ZUP1: variants seen among roughly 807,000 people sequenced by gnomAD.
ZUP1 encodes zinc finger containing ubiquitin peptidase 1, also known as zinc finger-containing ubiquitin peptidase 1.
A neutral mutation model predicts 68.1 loss-of-function variants in ZUP1; 55 were observed. The observed-to-expected ratio is 0.81, with a 90% CI of 0.65 to 1.01. ZUP1 has a LOEUF of 1.01. ZUP1 is among the 50% of genes least tolerant of loss of function. ZUP1 has a pLI of 0.00. For missense variants in ZUP1, 684 were observed against 674.9 expected (o/e 1.01, Z -0.15); for synonymous variants, 223 against 221.5 (o/e 1.01, Z -0.06).
Position 116,656,707 on chromosome 6 carries a change from T to C in ZUP1, c.938A>G (p.Asp313Gly). 6.2e-7 allele frequency: 1 copy of C among 1,610,598 alleles called. No individual in the cohort carries two copies. Among genetic ancestry groups the C allele is most frequent in the Non-Finnish European group, 8.5e-7 (1 of 1,179,136 alleles). ...ACCGGAAGTTTTTGTTTTTCCATCG[T>C]CAAAACCAAGAGCTAATGATTCCAT... The part of the protein sequence containing the change: ...DMMESLALGF[D>G]DGKTKTSGII... The change falls in exon 5 of 10, where the codon GAC becomes GGC. Residue 313 changes from aspartate to glycine, a missense_variant. Physicochemically the swap from Asp to Gly is moderately conservative, Grantham distance 94 (BLOSUM62 -1). Coordinates refer to ENST00000368576, the MANE Select transcript of ZUP1 (RefSeq NM_145062.3).
intron 9 of ZUP1, among the ~76,000 whole-genome samples, chr6:116,639,660 A>G (rs1164209478): frequency 1.3e-4 from 20 of 152,226 alleles, no homozygotes; most frequent in Admixed American, 1.3e-3. Flanking sequence ...ACAAACAGAA[A>G]GGACATCCAC....
intron 9 of ZUP1, 126 bp from the exon 10 acceptor site, chr6:116,636,005 G>A: frequency 7.1e-6 from 4 of 562,390 alleles, no homozygotes; most frequent in South Asian, 4.2e-5. Context: ...AATTCCTAAA[G>A]AAAAATTGCA....
At chr6:116,647,342 G>C (rs1776340872) in intron 8 of ZUP1, 117 bp downstream of exon 8, 3 of 916,604 alleles carry the variant, frequency 3.3e-6, no homozygotes, top group Non-Finnish European at 4.6e-6. Context: ...CTGAGCAACA[G>C]AGTGAGATTC....
intron 7 of ZUP1, among the ~76,000 whole-genome samples, chr6:116,650,016 C>T (rs750340186): frequency 9.9e-5 from 15 of 152,060 alleles, no homozygotes; most frequent in Non-Finnish European, 1.8e-4. Context: ...TACCCCTTAA[C>T]ATAATGGGTA....
chr6:116,637,015 A>C (rs1191074063), intron 9 of ZUP1, among the ~76,000 whole-genome samples: 2 of 150,182 alleles, frequency 1.3e-5, no homozygotes, highest in African/African-American at 2.4e-5. Flanking sequence ...GAATAACTAT[A>C]AGAAACAGAT....
At chr6:116,652,278 G>T in intron 5 of ZUP1, 86 bp from the exon 6 acceptor site, 1 of 990,428 alleles carries the variant, frequency 1.0e-6, no homozygotes, top group Non-Finnish European at 1.5e-6. Context: ...TCTCCTTCAC[G>T]CACCATACCT....
At chr6:116,653,113 T>C (rs956650428) in intron 5 of ZUP1, among the ~76,000 whole-genome samples, 5 of 152,082 alleles carry the variant, frequency 3.3e-5, no homozygotes, top group African/African-American at 1.2e-4. Flanking sequence ...TGCTATAATA[T>C]GGAAAAACAA....
intron 2 of ZUP1, among the ~76,000 whole-genome samples, chr6:116,662,322 T>C (rs1052662409): frequency 6.6e-6 from 1 of 152,304 alleles, no homozygotes; most frequent in African/African-American, 2.4e-5. Context: ...CCACCCCTTC[T>C]AGTTTTAAGT....
At chr6:116,651,807 A>G (rs768005535) in intron 6 of ZUP1, 70 bp from the exon 7 acceptor site, 1 of 1,557,888 alleles carries the variant, frequency 6.4e-7, no homozygotes, top group Non-Finnish European at 8.7e-7. Flanking sequence ...GCAGTGTATT[A>G]TGTACTCGGG....
At chr6:116,641,715 T>A (rs1776106231) in intron 9 of ZUP1, among the ~76,000 whole-genome samples, 1 of 151,826 alleles carries the variant, frequency 6.6e-6, no homozygotes, top group Admixed American at 6.6e-5. Flanking sequence ...TTTATAGCAC[T>A]AAATGCCCAC....
At position 116,666,684 on chromosome 6, in the gene ZUP1, T is replaced by G; in HGVS notation, c.509A>C (p.Glu170Ala). 1 of 1,606,114 alleles carries G rather than the reference T, an allele frequency of 6.2e-7. No individual in the cohort carries two copies. The highest frequency in any genetic ancestry group is 1.3e-5 in the African/African-American group (1 of 74,604). The change falls in exon 2 of 10, where the codon GAA becomes GCA. Residue 170 changes from glutamate (E) to alanine (A), a missense_variant. Transcript: ENST00000368576. ...GKIEEHSEDM[E>A]THVKTKHANL... ...GGCATGCTTTGTTTTCACATGAGTTTCCATATCTTCACTGTGCTCCTCTAT... is the reference window on the plus strand; with the variant it reads ...GGCATGCTTTGTTTTCACATGAGTTGCCATATCTTCACTGTGCTCCTCTAT...
In ZUP1 at chr6:116,647,463, A is replaced by C. The variant is rs1776346021; in HGVS notation, c.1464T>G (p.His488Gln). 1 of 1,560,730 alleles carries C rather than the reference A, an allele frequency of 6.4e-7. No homozygotes were observed. The highest frequency in any genetic ancestry group is 8.7e-7 in the Non-Finnish European group (1 of 1,147,348). Residue 488 changes from histidine (H) to glutamine (Q), a missense_variant, in exon 8 of 10, where the codon CAT becomes CAG. Physicochemically the swap from His to Gln is conservative, Grantham distance 24. Transcript: ENST00000368576. Reference protein sequence around the residue: ...CTSKPPIYLQHQGHSRTVIGI... With the variant: ...CTSKPPIYLQQQGHSRTVIGI... Reference sequence around the variant, plus strand: ...ATGAGTTATATTAATACTAACCTTGATGCTGAAGATAGATAGGAGGTTTAG... The same window carrying C: ...ATGAGTTATATTAATACTAACCTTGCTGCTGAAGATAGATAGGAGGTTTAG...
At chr6:116,663,121 A>G (rs908581432) in intron 2 of ZUP1, among the ~76,000 whole-genome samples, 28 of 152,172 alleles carry the variant, frequency 1.8e-4, no homozygotes, top group African/African-American at 6.0e-4. Context: ...TGAAATCTCA[A>G]TTTCAAATAT....
At chr6:116,656,942 T>C in intron 4 of ZUP1, 90 bp from the exon 5 acceptor site, 1 of 903,326 alleles carries the variant, frequency 1.1e-6, no homozygotes, top group Non-Finnish European at 1.6e-6. Flanking sequence ...TGGAAACATG[T>C]TGAAACATTC....
At chr6:116,665,549 C>T (rs1776973134) in intron 2 of ZUP1, among the ~76,000 whole-genome samples, 1 of 146,168 alleles carries the variant, frequency 6.8e-6, no homozygotes, top group Non-Finnish European at 1.5e-5. Flanking sequence ...AACTTGTATC[C>T]AAAATACAGA....
At chr6:116,651,949 C>A in intron 6 of ZUP1, 55 bp downstream of exon 6, 1 of 1,545,824 alleles carries the variant, frequency 6.5e-7, no homozygotes, top group Non-Finnish European at 8.9e-7. Flanking sequence ...CTATATCATT[C>A]TATATCATAT....
In ZUP1 at chr6:116,652,026, A is replaced by C; in HGVS notation, c.1128T>G (p.Asp376Glu). The C allele has an allele frequency of 6.2e-7, 1 of 1,613,956 alleles. No individual in the cohort carries two copies. The highest frequency in any genetic ancestry group is 8.5e-7 in the Non-Finnish European group (1 of 1,179,868). Residue 376 changes from aspartate to glutamate, a missense_variant, in exon 6 of 10, where the codon GAT becomes GAG. Coordinates refer to ENST00000368576, the MANE Select transcript of ZUP1 (RefSeq NM_145062.3). ...QMLLSSLLQN[D>E]AYNDCLKGML... ...TACCTTTTAAGCAATCGTTGTAAGC[A>C]TCATTTTGTAATAATGATGAAAGTA... is the stretch of plus-strand genomic sequence containing the variant.
intron 9 of ZUP1, among the ~76,000 whole-genome samples, chr6:116,637,822 G>T (rs943187405): frequency 1.3e-5 from 2 of 152,222 alleles, no homozygotes; most frequent in African/African-American, 4.8e-5. Context: ...CAGCACTTTG[G>T]TAGGCCAAGG....
At chr6:116,637,201 T>C (rs1775932827) in intron 9 of ZUP1, among the ~76,000 whole-genome samples, 1 of 152,164 alleles carries the variant, frequency 6.6e-6, no homozygotes, top group African/African-American at 2.4e-5. Context: ...ACTGCCTAAA[T>C]TGGAATCCTG....
Sources: allele counts gnomAD v4.1 joint callset (sites outside exome capture counted in the v4.1 genomes callset), GRCh38; gene constraint gnomAD v4.1.1; transcripts MANE v1.5; gene names NCBI Gene and HGNC (gene_info 2026-07-23, HGNC 2026-07-21).